The following ASTN2 variants were observed in gnomAD, a reference collection of about 807,000 sequenced individuals.
The protein encoded by ASTN2 is astrotactin 2.
ASTN2 carries 54 observed loss-of-function variants against 139.8 expected under a neutral mutation model. The ratio of observed to expected loss-of-function variants is 0.39; its 90% confidence interval spans 0.31 to 0.48. The LOEUF (loss-of-function observed/expected upper bound fraction) is 0.48. Among genes scored for constraint, ASTN2 ranks in the 20% least tolerant of loss-of-function variants. ASTN2 has a pLI of 0.95. For missense variants in ASTN2, 1,565 were observed against 1,725.1 expected (o/e 0.91, Z 1.64); for synonymous variants, 756 against 719.5 (o/e 1.05, Z -0.81).
At chr9:117,100,330 A>G (rs1447337432) in intron 4 of ASTN2, among the ~76,000 whole-genome samples, 1 of 152,180 alleles carries the variant, frequency 6.6e-6, no homozygotes, top group Non-Finnish European at 1.5e-5. Flanking sequence ...CTCAGAAACA[A>G]TGTCTATAAA....
intron 14 of ASTN2, among the ~76,000 whole-genome samples, chr9:116,732,320 C>G (rs1055353160): frequency 6.6e-6 from 1 of 152,284 alleles, no homozygotes; most frequent in African/African-American, 2.4e-5. Flanking sequence ...CCCCCAGGAC[C>G]CCTTAAGCAC....
chr9:117,170,582 C>G (rs150500289), intron 3 of ASTN2, among the ~76,000 whole-genome samples: 9 of 152,170 alleles, frequency 5.9e-5, no homozygotes, highest in East Asian at 1.9e-4. Flanking sequence ...GAAAAAGAAG[C>G]ATGAATTGCT....
rs529136106 is a variant in ASTN2, at chr9:117,209,504, A to C, written c.1015+4854T>G. 2.6e-5 allele frequency among the ~76,000 whole-genome samples: 4 copies of C among 152,228 alleles called. No individual in the cohort carries two copies. The East Asian group carries it at 7.7e-4, about 29-fold the overall frequency. ...AGAGATCAATACAGCAAGAGAATAT[A>C]ACAATTGTAAATATATTTACACTAA... On this transcript the variant is annotated intron_variant, in intron 3 of 22. Coordinates refer to ENST00000313400, the MANE Select transcript of ASTN2 (RefSeq NM_001365068.1).
intron 19 of ASTN2, among the ~76,000 whole-genome samples, chr9:116,510,454 T>G (rs1340251976): frequency 1.3e-5 from 2 of 152,128 alleles, no homozygotes; most frequent in Admixed American, 1.3e-4. Flanking sequence ...CCAGCTTTGT[T>G]TTTTTGCTTA....
intron 17 of ASTN2, among the ~76,000 whole-genome samples, chr9:116,633,389 G>A (rs570575871): frequency 1.1e-4 from 17 of 152,286 alleles, no homozygotes; most frequent in Middle Eastern, 3.4e-3. Context: ...GCCCAGTCCT[G>A]GAAGGGGAAA....
intron 1 of ASTN2, among the ~76,000 whole-genome samples, chr9:117,331,385 T>C (rs992710941): frequency 6.6e-6 from 1 of 152,146 alleles, no homozygotes; most frequent in Non-Finnish European, 1.5e-5. Flanking sequence ...GACTCAGTTG[T>C]GTGTGCTTCC....
chr9:117,292,070 G>A (rs980107750), intron 1 of ASTN2, among the ~76,000 whole-genome samples: 2 of 152,118 alleles, frequency 1.3e-5, no homozygotes, highest in Non-Finnish European at 2.9e-5. Flanking sequence ...GCTTCCACAA[G>A]AGCAGCTCCA....
At chr9:116,457,592 T>C (rs961369301) in intron 20 of ASTN2, among the ~76,000 whole-genome samples, 3 of 152,108 alleles carry the variant, frequency 2.0e-5, no homozygotes, top group Non-Finnish European at 4.4e-5. Flanking sequence ...AACAGGTATA[T>C]AAGTAAGTGC....
At chr9:116,676,411 G>C (rs549347087) in intron 16 of ASTN2, among the ~76,000 whole-genome samples, 5 of 152,302 alleles carry the variant, frequency 3.3e-5, no homozygotes, top group African/African-American at 1.2e-4. Context: ...AGGATAGAAT[G>C]TGGATTTAGG....
At chr9:116,943,003 G>A (rs1284718748) in intron 10 of ASTN2, among the ~76,000 whole-genome samples, 2 of 152,212 alleles carry the variant, frequency 1.3e-5, no homozygotes. Context: ...CATTTCCACT[G>A]AGGGGGTGAT....
intron 13 of ASTN2, among the ~76,000 whole-genome samples, chr9:116,782,048 G>GAA (rs1830233784): frequency 6.6e-6 from 1 of 152,116 alleles, no homozygotes; most frequent in Non-Finnish European, 1.5e-5. Flanking sequence ...CTCCGACAGT[G>GAA]AGACTTCTTT....
At chr9:117,370,270 G>A (rs1829954425) in intron 1 of ASTN2, among the ~76,000 whole-genome samples, 1 of 151,932 alleles carries the variant, frequency 6.6e-6, no homozygotes, top group Non-Finnish European at 1.5e-5. Context: ...AGAAGAAAAG[G>A]GAAAAAACAA....
chr9:116,753,297 A>G (rs1829447800), intron 13 of ASTN2, among the ~76,000 whole-genome samples: 1 of 152,254 alleles, frequency 6.6e-6, no homozygotes. Context: ...CACTGTGGAA[A>G]AGGCAAAGCT....
intron 19 of ASTN2, among the ~76,000 whole-genome samples, chr9:116,488,927 T>A (rs1175293283): frequency 1.3e-5 from 2 of 152,212 alleles, no homozygotes; most frequent in African/African-American, 4.8e-5. Context: ...GGCCTCTAAG[T>A]TCCCCTCTAA....
At chr9:116,661,232 A>G (rs577333736) in intron 16 of ASTN2, among the ~76,000 whole-genome samples, 6 of 152,158 alleles carry the variant, frequency 3.9e-5, no homozygotes, top group Admixed American at 6.5e-5. Context: ...AAAAAAGGTC[A>G]TATGTGATCT....
chr9:116,534,397 C>A (rs1022934438), intron 19 of ASTN2, among the ~76,000 whole-genome samples: 3 of 152,110 alleles, frequency 2.0e-5, no homozygotes, highest in African/African-American at 7.2e-5. Context: ...TTCTTGCCTT[C>A]TGCTAGTTTT....
intron 1 of ASTN2, among the ~76,000 whole-genome samples, chr9:117,319,523 G>A (rs953776172): frequency 6.6e-6 from 1 of 151,840 alleles, no homozygotes; most frequent in Non-Finnish European, 1.5e-5. Context: ...CCACCGCCCA[G>A]TTCAGGCAAT....
chr9:117,343,676 G>A, intron 1 of ASTN2, among the ~76,000 whole-genome samples: 1 of 152,094 alleles, frequency 6.6e-6, no homozygotes, highest in East Asian at 1.9e-4. Context: ...AGCTAGCAAG[G>A]AATGAAAAGC....
chr9:116,563,381 A>G (rs975932499), intron 19 of ASTN2, among the ~76,000 whole-genome samples: 1 of 105,308 alleles, frequency 9.5e-6, no homozygotes, highest in Admixed American at 9.0e-5. Flanking sequence ...TCTCAAAAAA[A>G]TAAAAATAAA....
Sources: gnomAD v4.1 joint callset for allele counts (sites outside exome capture counted in the v4.1 genomes callset) on GRCh38, gnomAD v4.1.1 for gene constraint, MANE v1.5 for transcripts, NCBI Gene and HGNC (gene_info 2026-07-23, HGNC 2026-07-21) for gene names.